Variants in PPM1E observed in about 807,000 individuals in gnomAD.
PPM1E encodes the protein protein phosphatase 1E.
A neutral mutation model predicts 65.9 loss-of-function variants in PPM1E; 20 were observed. That is an observed-to-expected ratio of 0.30 (90% CI 0.21 to 0.44). The LOEUF (loss-of-function observed/expected upper bound fraction) is 0.44, where lower values mean the gene tolerates loss of function less well. Among genes scored for constraint, PPM1E ranks in the 20% least tolerant of loss-of-function variants. PPM1E has a pLI of 1.00. For missense variants in PPM1E, 713 were observed against 953.1 expected (o/e 0.75, Z 3.32); for synonymous variants, 352 against 374.9 (o/e 0.94, Z 0.70).
At chr17:58,857,337 T>C (rs1460790724) in intron 1 of PPM1E, among the ~76,000 whole-genome samples, 2 of 152,148 alleles carry the variant, frequency 1.3e-5, no homozygotes, top group Non-Finnish European at 2.9e-5. Context: ...GGTTTTTGTT[T>C]GTTTCTTTGT....
chr17:58,796,777 C>T (rs1023917977), intron 1 of PPM1E, among the ~76,000 whole-genome samples: 1 of 152,072 alleles, frequency 6.6e-6, no homozygotes, highest in Non-Finnish European at 1.5e-5. Flanking sequence ...TATGTTTATA[C>T]ATCATTCTAT....
chr17:58,916,485 G>T (rs975070218), intron 1 of PPM1E, among the ~76,000 whole-genome samples: 1 of 152,072 alleles, frequency 6.6e-6, no homozygotes, highest in Non-Finnish European at 1.5e-5. Flanking sequence ...GTATAGCCCC[G>T]CACAGTGGCT....
intron 1 of PPM1E, among the ~76,000 whole-genome samples, chr17:58,950,480 G>C (rs1337381464): frequency 6.6e-6 from 1 of 152,148 alleles, no homozygotes; most frequent in Non-Finnish European, 1.5e-5. Flanking sequence ...CAAGACCTAC[G>C]AAGTTTTCAG....
At chr17:58,906,107 A>G (rs1002634793) in intron 1 of PPM1E, among the ~76,000 whole-genome samples, 3 of 152,178 alleles carry the variant, frequency 2.0e-5, no homozygotes, top group African/African-American at 7.2e-5. Flanking sequence ...ATTTGTATCA[A>G]ATTAAAAATC....
chr17:58,938,628 T>C (rs2052018350), intron 1 of PPM1E, among the ~76,000 whole-genome samples: 1 of 152,066 alleles, frequency 6.6e-6, no homozygotes, highest in Non-Finnish European at 1.5e-5. Flanking sequence ...CAAGGACCCA[T>C]ATATAATTAA....
chr17:58,791,494 A>G (rs1246399403), intron 1 of PPM1E, among the ~76,000 whole-genome samples: 2 of 152,188 alleles, frequency 1.3e-5, no homozygotes, highest in African/African-American at 4.8e-5. Context: ...TGAAGTAATA[A>G]CGAAGACCTT....
chr17:58,755,996 C>T lies in PPM1E; in HGVS notation c.-2C>T, dbSNP rs1230566158. 1 of 1,613,978 alleles carries T rather than the reference C, an allele frequency of 6.2e-7. No individual in the cohort carries two copies. Among genetic ancestry groups the T allele is most frequent in the African/African-American group, 1.3e-5 (1 of 75,060 alleles). On this transcript the variant is annotated 5_prime_UTR_variant, in exon 1 of 7. Coordinates refer to ENST00000308249, the MANE Select transcript of PPM1E (RefSeq NM_014906.5). ...CCGGTCTGCCCTGGGGCATGAGCAG[C>T]GATGGCCGGCTGCATCCCTGAGGAG...
intron 1 of PPM1E, among the ~76,000 whole-genome samples, chr17:58,932,864 T>C (rs8071280): frequency 0.64 from 96,936 of 152,056 alleles, 31,289 homozygotes; most frequent in African/African-American, 0.71. Context: ...TAACAGGCCA[T>C]ATATACAATG....
chr17:58,926,069 G>C lies in PPM1E; in HGVS notation c.465-29580G>C, dbSNP rs147938684. The stretch of plus-strand genomic sequence containing the variant: ...AAATTGCAAAGTATTGGCTGGGTGC[G>C]ATGGCTCATGCCTGTAATCCCAGCA... On this transcript the variant is annotated intron_variant, in intron 1 of 6. Coordinates refer to ENST00000308249, the MANE Select transcript of PPM1E (RefSeq NM_014906.5). Among the ~76,000 whole-genome samples the C allele has an allele frequency of 3.1e-3, 468 of 152,144 alleles. 4 individuals are homozygous for C. Among genetic ancestry groups the C allele is most frequent in the African/African-American group, 0.01 (434 of 41,494 alleles).
intron 1 of PPM1E, among the ~76,000 whole-genome samples, chr17:58,891,088 A>G (rs1338399120): frequency 1.3e-5 from 2 of 151,952 alleles, no homozygotes; most frequent in Non-Finnish European, 2.9e-5. Context: ...CTCCTGCATC[A>G]GCCTCCCAAG....
chr17:58,815,226 A>G (rs2050404067), intron 1 of PPM1E, among the ~76,000 whole-genome samples: 1 of 152,240 alleles, frequency 6.6e-6, no homozygotes, highest in Non-Finnish European at 1.5e-5. Context: ...ACTAGAAATT[A>G]TAAGACATTA....
At chr17:58,898,027 G>A (rs186357607) in intron 1 of PPM1E, among the ~76,000 whole-genome samples, 79 of 152,178 alleles carry the variant, frequency 5.2e-4, no homozygotes, top group South Asian at 4.2e-3. Flanking sequence ...TTAGGAGGCC[G>A]AGGCAGGTGG....
At chr17:58,910,065 G>A (rs2051608703) in intron 1 of PPM1E, among the ~76,000 whole-genome samples, 1 of 151,094 alleles carries the variant, frequency 6.6e-6, no homozygotes, top group Non-Finnish European at 1.5e-5. Context: ...ACCACACCCA[G>A]ATAATTTTTG....
At chr17:58,816,316 A>C (rs560644346) in intron 1 of PPM1E, among the ~76,000 whole-genome samples, 22 of 152,140 alleles carry the variant, frequency 1.4e-4, no homozygotes, top group African/African-American at 5.3e-4. Context: ...GAGCCACTAC[A>C]CCCAGCCTGT....
intron 1 of PPM1E, among the ~76,000 whole-genome samples, chr17:58,862,938 A>G (rs2143308263): frequency 6.6e-6 from 1 of 152,292 alleles, no homozygotes; most frequent in Non-Finnish European, 1.5e-5. Context: ...TTTTATGTCA[A>G]AATCAAATGC....
intron 1 of PPM1E, among the ~76,000 whole-genome samples, chr17:58,827,168 T>TG (rs2050546338): frequency 7.1e-6 from 1 of 140,166 alleles, no homozygotes; most frequent in African/African-American, 2.7e-5. Context: ...GACAGAGTCT[T>TG]GCTCTGTCAC....
intron 1 of PPM1E, among the ~76,000 whole-genome samples, chr17:58,915,718 TA>T (rs2051676483): frequency 6.6e-6 from 1 of 152,244 alleles, no homozygotes. Context: ...GCCATTTTTA[TA>T]GCCAAATAGT....
chr17:58,888,266 C>T (rs1025436415), intron 1 of PPM1E, among the ~76,000 whole-genome samples: 2 of 150,448 alleles, frequency 1.3e-5, no homozygotes, highest in South Asian at 2.1e-4. Flanking sequence ...TTTACAATTA[C>T]GCACTATACA....
chr17:58,866,841 C>A (rs920348478), intron 1 of PPM1E, among the ~76,000 whole-genome samples: 2 of 152,142 alleles, frequency 1.3e-5, no homozygotes, highest in Non-Finnish European at 2.9e-5. Flanking sequence ...GTACCTTTTT[C>A]TATGTTCCTT....
Sources: gnomAD v4.1 joint callset for allele counts (sites outside exome capture counted in the v4.1 genomes callset) on GRCh38, gnomAD v4.1.1 for gene constraint, MANE v1.5 for transcripts, NCBI Gene and HGNC (gene_info 2026-07-23, HGNC 2026-07-21) for gene names.